The following MERTK variants were observed in gnomAD, a reference collection of about 807,000 sequenced individuals.
MERTK encodes MER proto-oncogene, tyrosine kinase.
Under a neutral mutation model 99.3 loss-of-function variants are expected in MERTK, and 69 were observed. The ratio of observed to expected loss-of-function variants is 0.70; its 90% confidence interval spans 0.57 to 0.85. The LOEUF (loss-of-function observed/expected upper bound fraction) is 0.85. Ranked by LOEUF, MERTK falls within the 40% of genes least tolerant of loss-of-function variation. The probability of loss-of-function intolerance (pLI) is 0.00; values close to 1 mark genes in which losing one functional copy is unlikely to be tolerated. For missense variants in MERTK, 1,125 were observed against 1,249.4 expected, an observed-to-expected ratio of 0.90 and a Z score of 1.50; for synonymous variants, 426 against 467.6, an observed-to-expected ratio of 0.91 and a Z score of 1.15.
chr2:111,973,792 GGAAAGA>G (rs1676172519), intron 6 of MERTK, among the ~76,000 whole-genome samples: 1 of 152,068 alleles, frequency 6.6e-6, no homozygotes, highest in Non-Finnish European at 1.5e-5. Context: ...AGGTATGCGA[GGAAAGA>G]GATGGAAGTT....
In MERTK at chr2:112,028,689, C is replaced by T. The variant is rs564311424; in HGVS notation, c.2825C>T (p.Thr942Ile). 9 of 1,614,230 alleles carry T rather than the reference C, an allele frequency of 5.6e-6. No individual in the cohort carries two copies. The South Asian group carries it at 8.8e-5, about 16-fold the overall frequency. Reference sequence around the variant, plus strand: ...GGCAGTGAGGAATGGGAAGATCTGACTTCTGCCCCCTCTGCTGCAGTCACA... The same window carrying T: ...GGCAGTGAGGAATGGGAAGATCTGATTTCTGCCCCCTCTGCTGCAGTCACA... The part of the protein sequence containing the change: ...NGGSEEWEDL[T>I]SAPSAAVTAE... Residue 942 changes from threonine (T) to isoleucine (I), a missense_variant, in exon 19 of 19, where the codon ACT becomes ATT. Physicochemically the swap from Thr to Ile is moderately conservative, Grantham distance 89 (BLOSUM62 -1). Transcript: ENST00000295408.
At chr2:111,910,273 GTT>G (rs55791941) in intron 1 of MERTK, among the ~76,000 whole-genome samples, 1 of 144,864 alleles carries the variant, frequency 6.9e-6, no homozygotes, top group Non-Finnish European at 1.5e-5. Flanking sequence ...TCTGTTTTTT[GTT>G]TTTTTTTTTT....
chr2:111,948,496 C>T (rs768687223), intron 4 of MERTK, among the ~76,000 whole-genome samples: 17 of 152,168 alleles, frequency 1.1e-4, no homozygotes, highest in Admixed American at 2.6e-4. Context: ...TGTATCCAAC[C>T]GCCTCCTTGG....
intron 18 of MERTK, 60 bp from the exon 19 acceptor site, chr2:112,028,291 G>A (rs926133536): frequency 1.3e-6 from 2 of 1,523,730 alleles, no homozygotes; most frequent in Non-Finnish European, 1.8e-6. Context: ...ACAAAGGCAT[G>A]GATTGCACAA....
At chr2:111,938,764 C>T (rs1316976729) in intron 2 of MERTK, among the ~76,000 whole-genome samples, 1 of 152,112 alleles carries the variant, frequency 6.6e-6, no homozygotes, top group Non-Finnish European at 1.5e-5. Flanking sequence ...AACATTCTGA[C>T]TATTCAAAAA....
At chr2:111,924,383 C>T (rs1408313164) in intron 1 of MERTK, among the ~76,000 whole-genome samples, 2 of 152,132 alleles carry the variant, frequency 1.3e-5, no homozygotes, top group African/African-American at 2.4e-5. Context: ...ATGCCAGGAT[C>T]GCATCTTTCC....
At chr2:111,969,591 C>T (rs1175264184) in intron 6 of MERTK, among the ~76,000 whole-genome samples, 1 of 152,132 alleles carries the variant, frequency 6.6e-6, no homozygotes, top group Non-Finnish European at 1.5e-5. Flanking sequence ...GTTCTTAACG[C>T]CTCCCACTTT....
chr2:111,989,005 C>T (rs1477112760), intron 8 of MERTK, among the ~76,000 whole-genome samples: 1 of 152,174 alleles, frequency 6.6e-6, no homozygotes, highest in African/African-American at 2.4e-5. Flanking sequence ...AACTAAAGCT[C>T]AGAGATGCTG....
intron 2 of MERTK, among the ~76,000 whole-genome samples, chr2:111,939,021 T>C (rs920633550): frequency 4.6e-5 from 7 of 152,222 alleles, no homozygotes; most frequent in African/African-American, 1.7e-4. Context: ...TAATATGCTA[T>C]AATTATATTT....
At chr2:111,923,357 C>T (rs1400325) in intron 1 of MERTK, among the ~76,000 whole-genome samples, 36,869 of 152,030 alleles carry the variant, frequency 0.24, 4,779 homozygotes, top group South Asian at 0.32. Flanking sequence ...AAGAAGCGGA[C>T]GCTAGGGCTC....
At chr2:111,992,346 C>T (rs1291105077) in intron 8 of MERTK, among the ~76,000 whole-genome samples, 3 of 151,118 alleles carry the variant, frequency 2.0e-5, no homozygotes, top group Admixed American at 1.3e-4. Context: ...TAGTGGAATA[C>T]GTGGAGGTTT....
chr2:112,012,955 C>T (rs988067357), intron 15 of MERTK, among the ~76,000 whole-genome samples: 8 of 152,182 alleles, frequency 5.3e-5, no homozygotes, highest in African/African-American at 1.9e-4. Context: ...GCTGGAGCCT[C>T]CTTTTCCACT....
At chr2:111,956,832 G>A (rs1685156249) in intron 4 of MERTK, among the ~76,000 whole-genome samples, 1 of 151,930 alleles carries the variant, frequency 6.6e-6, no homozygotes, top group Admixed American at 6.6e-5. Flanking sequence ...CAAATTTTTT[G>A]TAGGACGGGA....
chr2:111,942,819 G>A (rs1248969406), intron 2 of MERTK, among the ~76,000 whole-genome samples: 1 of 152,220 alleles, frequency 6.6e-6, no homozygotes, highest in African/African-American at 2.4e-5. Flanking sequence ...CCTGGGAACA[G>A]TAAGGAAGTA....
intron 1 of MERTK, among the ~76,000 whole-genome samples, chr2:111,903,308 C>T (rs1684079774): frequency 6.6e-6 from 1 of 152,208 alleles, no homozygotes; most frequent in Admixed American, 6.5e-5. Flanking sequence ...CTGGAGCTCC[C>T]ATGCCCTCAC....
At position 111,935,039 on chromosome 2, in the gene MERTK, A is replaced by G. The variant is rs1426058872; in HGVS notation, c.482+5499A>G. Among the ~76,000 whole-genome samples, 18 of 152,116 alleles carry G rather than the reference A, an allele frequency of 1.2e-4. 1 individual carries two copies. The highest frequency in any genetic ancestry group is 4.3e-4 in the African/African-American group (18 of 41,408). ...GCTGTTATATAGCTCTCTCCCTTCCAAAGGAAGAAAGGACTGTGATAAAGT... is the reference window on the plus strand; with the variant it reads ...GCTGTTATATAGCTCTCTCCCTTCCGAAGGAAGAAAGGACTGTGATAAAGT... On this transcript the variant is annotated intron_variant, in intron 2 of 18. Coordinates refer to ENST00000295408, the MANE Select transcript of MERTK (RefSeq NM_006343.3).
chr2:112,021,758 G>T (rs1287213015), intron 17 of MERTK, among the ~76,000 whole-genome samples, 177 bp downstream of exon 17: 2 of 152,194 alleles, frequency 1.3e-5, no homozygotes, highest in South Asian at 4.1e-4. Context: ...TGGAACAGTA[G>T]ATTCTGATGA....
chr2:111,954,274 G>A (rs1685108363), intron 4 of MERTK, among the ~76,000 whole-genome samples: 1 of 152,156 alleles, frequency 6.6e-6, no homozygotes. Flanking sequence ...GTGCCTTCTT[G>A]CCAAGCTGCC....
intron 7 of MERTK, among the ~76,000 whole-genome samples, chr2:111,977,471 G>T (rs1676276236): frequency 1.3e-5 from 2 of 152,046 alleles, no homozygotes; most frequent in Admixed American, 6.5e-5. Flanking sequence ...TGTGTCTTTT[G>T]TTCCTATTTT....
Sources: allele counts gnomAD v4.1 joint callset (sites outside exome capture counted in the v4.1 genomes callset), GRCh38; gene constraint gnomAD v4.1.1; transcripts MANE v1.5; gene names NCBI Gene and HGNC (gene_info 2026-07-23, HGNC 2026-07-21).